EXOC6: variants seen among roughly 807,000 people sequenced by gnomAD.
EXOC6 encodes exocyst complex component 6, also known as SEC15-like 1.
Under a neutral mutation model 112.5 loss-of-function variants are expected in EXOC6, and 60 were observed. The observed-to-expected ratio is 0.53, with a 90% CI of 0.43 to 0.66. EXOC6 has a LOEUF of 0.66. EXOC6 is among the 30% of genes least tolerant of loss of function. The pLI is 0.00. For synonymous variants in EXOC6, 295 were observed against 308.0 expected, an observed-to-expected ratio of 0.96 and a Z score of 0.44; for missense variants, 855 against 957.1, an observed-to-expected ratio of 0.89 and a Z score of 1.41.
chr10:92,948,573 C>CACTACTACT (rs71028860), intron 14 of EXOC6, among the ~76,000 whole-genome samples, 194 bp downstream of exon 14: 22,720 of 139,982 alleles, frequency 0.16, 1,951 homozygotes, highest in South Asian at 0.23. Context: ...CTACTACTAC[C>CACTACTACT]ACTACTACTA....
chr10:92,945,775 G>T (rs1852957323), intron 13 of EXOC6, among the ~76,000 whole-genome samples: 2 of 152,158 alleles, frequency 1.3e-5, no homozygotes, highest in Non-Finnish European at 2.9e-5. Flanking sequence ...CTGGCCTCAA[G>T]TGTTCTGCCT....
intron 7 of EXOC6, among the ~76,000 whole-genome samples, chr10:92,916,884 G>A (rs557322115): frequency 6.6e-6 from 1 of 152,214 alleles, no homozygotes; most frequent in East Asian, 1.9e-4. Context: ...CTAGATAATT[G>A]ACAGATAAAC....
At chr10:92,983,972 A>G (rs1327320852) in intron 18 of EXOC6, among the ~76,000 whole-genome samples, 2 of 151,928 alleles carry the variant, frequency 1.3e-5, no homozygotes, top group African/African-American at 2.4e-5. Flanking sequence ...TATTATTTTT[A>G]TCTTTATTCA....
At chr10:92,931,336 A>G (rs1852024881) in intron 9 of EXOC6, among the ~76,000 whole-genome samples, 2 of 151,732 alleles carry the variant, frequency 1.3e-5, no homozygotes, top group Admixed American at 6.6e-5. Context: ...AATAGAACAG[A>G]ATAGATGATT....
At chr10:92,972,699 C>A (rs981287511) in intron 17 of EXOC6, among the ~76,000 whole-genome samples, 1 of 152,170 alleles carries the variant, frequency 6.6e-6, no homozygotes, top group Admixed American at 6.5e-5. Context: ...TTTTCAGGGT[C>A]TTGTCTTATC....
intron 20 of EXOC6, among the ~76,000 whole-genome samples, chr10:93,034,917 C>T (rs1156482845): frequency 2.0e-5 from 3 of 152,098 alleles, no homozygotes; most frequent in East Asian, 1.9e-4. Context: ...TGGGATTTGC[C>T]AAAGTTGTAG....
intron 20 of EXOC6, among the ~76,000 whole-genome samples, chr10:93,046,869 A>G (rs1054325115): frequency 1.3e-5 from 2 of 152,056 alleles, no homozygotes; most frequent in Non-Finnish European, 2.9e-5. Context: ...AAGTGCTGGG[A>G]TTACAGGTGT....
At chr10:92,896,205 T>A (rs1294311682) in intron 4 of EXOC6, among the ~76,000 whole-genome samples, 2 of 57,668 alleles carry the variant, frequency 3.5e-5, no homozygotes, top group South Asian at 1.4e-3. Flanking sequence ...TTTTTTTTTT[T>A]TTTTTTTTTT....
rs1399795587 is a variant in EXOC6, at chr10:93,000,036, A to T, written c.2095+2421A>T. Among the ~76,000 whole-genome samples, 10 of 152,298 alleles carry T rather than the reference A, an allele frequency of 6.6e-5. No individual in the cohort carries two copies. The South Asian group carries it at 2.1e-3, about 32-fold the overall frequency. ...TAATTTTTAAGTTAAGCTTTATCAT[A>T]GGTATATATGTATGTATGTGAAAAA... On this transcript the variant is annotated intron_variant, in intron 19 of 21. Transcript: ENST00000260762.
upstream of EXOC6, among the ~76,000 whole-genome samples, chr10:92,846,252 G>C (rs2133604419): frequency 6.6e-6 from 1 of 152,348 alleles, no homozygotes; most frequent in Admixed American, 6.5e-5. Context: ...TGGAATAAAA[G>C]GTATCAGGAC....
At chr10:92,981,668 C>A (rs1842830638) in intron 18 of EXOC6, among the ~76,000 whole-genome samples, 1 of 152,134 alleles carries the variant, frequency 6.6e-6, no homozygotes. Context: ...TGCTACTACT[C>A]TGGGGATATT....
At chr10:93,049,282 C>T (rs1369288536) in intron 20 of EXOC6, among the ~76,000 whole-genome samples, 4 of 151,992 alleles carry the variant, frequency 2.6e-5, no homozygotes, top group African/African-American at 4.8e-5. Context: ...AGGATGGTCT[C>T]GATCTCCTGT....
intron 1 of EXOC6, among the ~76,000 whole-genome samples, chr10:92,840,620 T>A (rs2133587065): frequency 6.6e-6 from 1 of 152,268 alleles, no homozygotes; most frequent in East Asian, 1.9e-4. Flanking sequence ...TTTTTAAAAC[T>A]TTTTTTAATT....
At chr10:92,918,212 AT>A (rs995973264) in intron 7 of EXOC6, among the ~76,000 whole-genome samples, 3 of 151,550 alleles carry the variant, frequency 2.0e-5, no homozygotes, top group African/African-American at 7.3e-5. Flanking sequence ...GTCCTTTTCA[AT>A]TTTTTTTTAA....
intron 9 of EXOC6, among the ~76,000 whole-genome samples, chr10:92,933,773 G>T (rs1302493354): frequency 2.0e-5 from 3 of 152,056 alleles, no homozygotes; most frequent in Non-Finnish European, 4.4e-5. Context: ...CTGGCAGCTG[G>T]ACAGGCTGGA....
At chr10:92,940,685 T>G in intron 12 of EXOC6, 42 bp from the exon 13 acceptor site, 1 of 1,320,010 alleles carries the variant, frequency 7.6e-7, no homozygotes, top group South Asian at 1.3e-5. Context: ...TGAATATTTT[T>G]GTACACTTGT....
intron 1 of EXOC6, among the ~76,000 whole-genome samples, chr10:92,842,558 G>A (rs1451835378): frequency 6.6e-6 from 1 of 151,664 alleles, no homozygotes; most frequent in African/African-American, 2.4e-5. Flanking sequence ...AAAGGGCAAA[G>A]GGCAGTAAAG....
chr10:92,951,005 G>A (rs1182847260), intron 14 of EXOC6, among the ~76,000 whole-genome samples: 2 of 152,140 alleles, frequency 1.3e-5, no homozygotes, highest in Non-Finnish European at 2.9e-5. Context: ...GAGGGGTAAC[G>A]GAGATAAAGG....
chr10:92,937,356 T>G (rs1345684725), intron 12 of EXOC6, among the ~76,000 whole-genome samples: 2 of 152,218 alleles, frequency 1.3e-5, no homozygotes, highest in East Asian at 3.8e-4. Flanking sequence ...ATGCAGCATT[T>G]TCCCAATATA....
Sources: allele counts gnomAD v4.1 joint callset (sites outside exome capture counted in the v4.1 genomes callset), GRCh38; gene constraint gnomAD v4.1.1; transcripts MANE v1.5; gene names NCBI Gene and HGNC (gene_info 2026-07-23, HGNC 2026-07-21).